Variants in GRHL2 observed in about 807,000 individuals in gnomAD.
GRHL2 encodes grainyhead like transcription factor 2.
GRHL2 carries 21 observed loss-of-function variants against 83.8 expected under a neutral mutation model. The ratio of observed to expected loss-of-function variants is 0.25; its 90% CI spans 0.18 to 0.36. The LOEUF (loss-of-function observed/expected upper bound fraction) is 0.36. Among genes scored for constraint, GRHL2 ranks in the 10% least tolerant of loss-of-function variants. The pLI is 1.00. For synonymous variants in GRHL2, 280 were observed against 278.9 expected (o/e 1.00, Z -0.04); for missense variants, 623 against 781.8 (o/e 0.80, Z 2.42).
chr8:101,507,554 T>C (rs1005296201), intron 1 of GRHL2, among the ~76,000 whole-genome samples: 5 of 152,176 alleles, frequency 3.3e-5, no homozygotes, highest in African/African-American at 1.2e-4. Context: ...ACAATTACAC[T>C]ATGTATGAAA....
intron 3 of GRHL2, among the ~76,000 whole-genome samples, chr8:101,557,068 C>CT (rs879299491): frequency 5.3e-4 from 79 of 148,332 alleles, no homozygotes; most frequent in Middle Eastern, 3.4e-3. Context: ...CTTTCCTTTT[C>CT]TTTTTTTTTT....
At chr8:101,514,536 A>G (rs1038095830) in intron 1 of GRHL2, among the ~76,000 whole-genome samples, 2 of 152,168 alleles carry the variant, frequency 1.3e-5, no homozygotes, top group Admixed American at 1.3e-4. Context: ...ATTTTGTGCC[A>G]TCAGAGGAGT....
chr8:101,670,784 T>A (rs1026937978), downstream of GRHL2, among the ~76,000 whole-genome samples: 1 of 152,342 alleles, frequency 6.6e-6, no homozygotes, highest in Middle Eastern at 3.4e-3. Flanking sequence ...ATGACGGTTG[T>A]CAGTGTCGTG....
chr8:101,611,595 G>C (rs1812750979), intron 8 of GRHL2, among the ~76,000 whole-genome samples: 1 of 150,698 alleles, frequency 6.6e-6, no homozygotes, highest in South Asian at 2.1e-4. Flanking sequence ...CCATTGGTCT[G>C]GCCTCTGGAA....
intron 15 of GRHL2, among the ~76,000 whole-genome samples, chr8:101,665,819 G>T (rs1418899978): frequency 6.6e-6 from 1 of 152,186 alleles, no homozygotes; most frequent in South Asian, 2.1e-4. Flanking sequence ...TCAGTCAGTG[G>T]TTCATTCTCA....
At chr8:101,547,355 C>T (rs1178735908) in intron 2 of GRHL2, among the ~76,000 whole-genome samples, 1 of 152,122 alleles carries the variant, frequency 6.6e-6, no homozygotes, top group Admixed American at 6.5e-5. Context: ...TGAATTGATT[C>T]TATTTTTGTC....
chr8:101,549,023 T>C (rs763442769), intron 2 of GRHL2, among the ~76,000 whole-genome samples: 8 of 152,096 alleles, frequency 5.3e-5, no homozygotes, highest in African/African-American at 1.4e-4. Flanking sequence ...TTCCAGGCAT[T>C]GAGGACATAA....
At chr8:101,663,573 C>T (rs1161558569) in intron 14 of GRHL2, among the ~76,000 whole-genome samples, 1 of 151,990 alleles carries the variant, frequency 6.6e-6, no homozygotes, top group Admixed American at 6.5e-5. Context: ...GATCATGCCA[C>T]TGCACTCCAG....
chr8:101,579,789 A>G (rs1812012035), intron 7 of GRHL2, among the ~76,000 whole-genome samples: 1 of 152,204 alleles, frequency 6.6e-6, no homozygotes, highest in African/African-American at 2.4e-5. Context: ...TTGCACCGTC[A>G]TCTGCTTTAA....
At chr8:101,580,300 T>C (rs188689304) in intron 7 of GRHL2, among the ~76,000 whole-genome samples, 2 of 152,346 alleles carry the variant, frequency 1.3e-5, no homozygotes, top group African/African-American at 4.8e-5. Flanking sequence ...CATTTCTTTG[T>C]GTTCAGATTA....
At chr8:101,495,480 A>C (rs1810080747) in intron 1 of GRHL2, among the ~76,000 whole-genome samples, 1 of 152,224 alleles carries the variant, frequency 6.6e-6, no homozygotes, top group Non-Finnish European at 1.5e-5. Context: ...ATATTTTAAA[A>C]TTCTCTACTC....
At chr8:101,605,572 C>T (rs1225323131) in intron 8 of GRHL2, among the ~76,000 whole-genome samples, 1 of 152,220 alleles carries the variant, frequency 6.6e-6, no homozygotes, top group East Asian at 1.9e-4. Flanking sequence ...GCCCTGTCCT[C>T]ACGCCACACT....
intron 1 of GRHL2, among the ~76,000 whole-genome samples, chr8:101,541,198 T>G (rs1811147700): frequency 6.6e-6 from 1 of 150,962 alleles, no homozygotes; most frequent in South Asian, 2.1e-4. Flanking sequence ...GTGTACACCA[T>G]GTTTTCTTTA....
At chr8:101,591,996 C>T (rs779999959) in intron 7 of GRHL2, among the ~76,000 whole-genome samples, 5 of 152,116 alleles carry the variant, frequency 3.3e-5, no homozygotes, top group South Asian at 2.1e-4. Context: ...TTTAGTCCTC[C>T]TAAGAAGGGA....
intron 4 of GRHL2, among the ~76,000 whole-genome samples, chr8:101,568,131 A>G (rs1811752378): frequency 6.6e-6 from 1 of 152,186 alleles, no homozygotes; most frequent in Non-Finnish European, 1.5e-5. Flanking sequence ...TCACTAGCCA[A>G]TGTGTTAATG....
chr8:101,513,919 G>C (rs1810516913), intron 1 of GRHL2, among the ~76,000 whole-genome samples: 1 of 152,090 alleles, frequency 6.6e-6, no homozygotes, highest in Admixed American at 6.5e-5. Context: ...GAAGGTTGCT[G>C]GGCCCATGAA....
chr8:101,536,850 G>T (rs1811054938), intron 1 of GRHL2, among the ~76,000 whole-genome samples: 1 of 152,134 alleles, frequency 6.6e-6, no homozygotes, highest in Admixed American at 6.5e-5. Context: ...AGAGTTTGAT[G>T]TACAGCTTAT....
In GRHL2 at chr8:101,573,753, C is replaced by T; in HGVS notation, c.820C>T (p.Gln274Ter). The change falls in exon 6 of 16, where the codon CAG (glutamine) becomes TAG (stop). Residue 274 changes from glutamine to a stop codon, truncating the protein, a stop_gained. Coordinates refer to ENST00000646743, the MANE Select transcript of GRHL2 (RefSeq NM_024915.4). LOFTEE classifies it high-confidence loss of function. ...EGPMTYLNKG[Q>*]FYAITLSETG... ...CCCCATGACCTACCTCAACAAAGGACAGTTCTATGCCATAACACTCAGCGA... is the reference window on the plus strand; with the variant it reads ...CCCCATGACCTACCTCAACAAAGGATAGTTCTATGCCATAACACTCAGCGA... 6.2e-7 allele frequency: 1 copy of T among 1,614,174 alleles called. No individual in the cohort carries two copies. The highest frequency in any genetic ancestry group is 8.5e-7 in the Non-Finnish European group (1 of 1,180,024).
At chr8:101,578,446 G>A (rs114011071) in intron 7 of GRHL2, among the ~76,000 whole-genome samples, 2,229 of 152,344 alleles carry the variant, frequency 0.015, 51 homozygotes, top group African/African-American at 0.05. Context: ...CTCGGAGTCA[G>A]AGGGCACATT....
Sources: gnomAD v4.1 joint callset for allele counts (sites outside exome capture counted in the v4.1 genomes callset) on GRCh38, gnomAD v4.1.1 for gene constraint, MANE v1.5 for transcripts, NCBI Gene and HGNC (gene_info 2026-07-23, HGNC 2026-07-21) for gene names.